RAPGEF4: variants seen among roughly 807,000 people sequenced by gnomAD.
RAPGEF4 encodes the protein RAP guanine-nucleotide-exchange factor (GEF) 4.
In RAPGEF4, 66 loss-of-function variants were observed where a neutral mutation model predicts 147.9. The ratio of observed to expected loss-of-function variants is 0.45; its 90% CI spans 0.37 to 0.55. The LOEUF is 0.55. RAPGEF4 is among the 20% of genes least tolerant of loss of function. The probability of loss-of-function intolerance (pLI) is 0.00; values close to 1 mark genes in which losing one functional copy is unlikely to be tolerated. For missense variants in RAPGEF4, 1,071 were observed against 1,257.3 expected, an observed-to-expected ratio of 0.85 and a Z score of 2.24; for synonymous variants, 419 against 442.7, an observed-to-expected ratio of 0.95 and a Z score of 0.67.
At chr2:172,803,275 A>G (rs1248691966) in intron 3 of RAPGEF4, among the ~76,000 whole-genome samples, 2 of 152,168 alleles carry the variant, frequency 1.3e-5, no homozygotes, top group Admixed American at 6.5e-5. Context: ...CTGGACATCC[A>G]TGCATTTCCA....
At chr2:172,737,958 G>A (rs1461087499) in intron 1 of RAPGEF4, among the ~76,000 whole-genome samples, 1 of 152,154 alleles carries the variant, frequency 6.6e-6, no homozygotes, top group Admixed American at 6.5e-5. Context: ...TTTGTTTTGT[G>A]GTATTAAAAG....
intron 1 of RAPGEF4, among the ~76,000 whole-genome samples, chr2:172,787,319 T>C (rs1443788281): frequency 2.0e-5 from 3 of 152,180 alleles, no homozygotes; most frequent in African/African-American, 7.2e-5. Flanking sequence ...ATTACCATTA[T>C]GATTTATATA....
intron 16 of RAPGEF4, among the ~76,000 whole-genome samples, chr2:172,997,393 C>T (rs1693472317): frequency 6.6e-6 from 1 of 152,186 alleles, no homozygotes; most frequent in African/African-American, 2.4e-5. Flanking sequence ...ACCACATCTG[C>T]AAAGACCCTA....
At chr2:172,981,990 A>G (rs896351158) in intron 10 of RAPGEF4, among the ~76,000 whole-genome samples, 48 of 152,168 alleles carry the variant, frequency 3.2e-4, no homozygotes, top group Non-Finnish European at 5.9e-5. Context: ...TTACACAAAT[A>G]AATATGTAGA....
At chr2:172,772,647 A>G (rs1205427841) in intron 1 of RAPGEF4, among the ~76,000 whole-genome samples, 1 of 152,176 alleles carries the variant, frequency 6.6e-6, no homozygotes, top group Non-Finnish European at 1.5e-5. Context: ...CCCAGCTAAA[A>G]CATTATTTTA....
intron 1 of RAPGEF4, among the ~76,000 whole-genome samples, chr2:172,743,941 T>C (rs184044534): frequency 3.6e-4 from 55 of 152,324 alleles, no homozygotes; most frequent in Admixed American, 3.5e-3. Context: ...GCCCTATTTC[T>C]CTAAAGCATT....
chr2:173,007,699 G>A (rs931264892), intron 17 of RAPGEF4, among the ~76,000 whole-genome samples: 12 of 152,138 alleles, frequency 7.9e-5, no homozygotes, highest in African/African-American at 2.9e-4. Context: ...TATATAAGTA[G>A]GGAAGCCAGG....
intron 4 of RAPGEF4, among the ~76,000 whole-genome samples, chr2:172,863,950 TA>T (rs1694328316): frequency 6.6e-6 from 1 of 152,200 alleles, no homozygotes; most frequent in African/African-American, 2.4e-5. Context: ...AAGCAATAAT[TA>T]AAGCATAATA....
chr2:172,833,205 G>GAAA (rs11432810), intron 4 of RAPGEF4, among the ~76,000 whole-genome samples: 1 of 131,136 alleles, frequency 7.6e-6, no homozygotes, highest in Admixed American at 8.0e-5. Flanking sequence ...CTCCGTCTCA[G>GAAA]AAAAAAAAAA....
intron 6 of RAPGEF4, among the ~76,000 whole-genome samples, chr2:172,926,711 AC>A (rs1264483732): frequency 1.3e-5 from 2 of 152,080 alleles, no homozygotes; most frequent in Non-Finnish European, 2.9e-5. Context: ...AGCTGGGACT[AC>A]AGGCGCGTGC....
At chr2:173,015,590 TG>T (rs1441419634) in intron 18 of RAPGEF4, among the ~76,000 whole-genome samples, 9 of 152,148 alleles carry the variant, frequency 5.9e-5, no homozygotes, top group African/African-American at 1.9e-4. Context: ...GGCGGTAGCT[TG>T]GGGTCATACA....
chr2:172,759,239 G>A (rs1052097930), intron 1 of RAPGEF4, among the ~76,000 whole-genome samples: 10 of 152,184 alleles, frequency 6.6e-5, no homozygotes, highest in African/African-American at 2.4e-4. Context: ...TCTTCAAATG[G>A]TATTGTGAAG....
intron 1 of RAPGEF4, among the ~76,000 whole-genome samples, chr2:172,789,309 T>A (rs1685564197): frequency 6.6e-6 from 1 of 152,214 alleles, no homozygotes; most frequent in Non-Finnish European, 1.5e-5. Flanking sequence ...CTCTCTTCAC[T>A]TTGCCGTATT....
chr2:172,768,614 C>T (rs1449603866), intron 1 of RAPGEF4, among the ~76,000 whole-genome samples: 1 of 152,094 alleles, frequency 6.6e-6, no homozygotes, highest in East Asian at 1.9e-4. Flanking sequence ...CCGGTGACAT[C>T]ATTAGCATAA....
intron 3 of RAPGEF4, among the ~76,000 whole-genome samples, chr2:172,807,283 G>C (rs1687597964): frequency 6.6e-6 from 1 of 152,258 alleles, no homozygotes; most frequent in African/African-American, 2.4e-5. Context: ...CCACTGAAAT[G>C]AGGCTGGCCT....
chr2:172,946,378 A>C (rs73030897), intron 6 of RAPGEF4, among the ~76,000 whole-genome samples: 1 of 152,222 alleles, frequency 6.6e-6, no homozygotes, highest in Non-Finnish European at 1.5e-5. Context: ...TAATGGAAAA[A>C]TAGGAAAAGG....
chr2:172,985,737 T>G (rs964861603), intron 12 of RAPGEF4, among the ~76,000 whole-genome samples: 4 of 152,190 alleles, frequency 2.6e-5, no homozygotes, highest in African/African-American at 4.8e-5. Flanking sequence ...TGAGTCTCAC[T>G]GGCTCCCTAC....
chr2:172,908,673 A>G (rs1439614020), intron 4 of RAPGEF4, among the ~76,000 whole-genome samples: 2 of 152,222 alleles, frequency 1.3e-5, no homozygotes, highest in Non-Finnish European at 2.9e-5. Context: ...AAATGAAACT[A>G]TTCTTGGAAC....
At chr2:172,846,552 A>G (rs760437011) in intron 4 of RAPGEF4, among the ~76,000 whole-genome samples, 19 of 152,150 alleles carry the variant, frequency 1.2e-4, no homozygotes, top group Non-Finnish European at 2.6e-4. Context: ...GACTTCTAAG[A>G]TCTTCCCTCT....
Sources: gnomAD v4.1 joint callset for allele counts (sites outside exome capture counted in the v4.1 genomes callset) on GRCh38, gnomAD v4.1.1 for gene constraint, MANE v1.5 for transcripts, NCBI Gene and HGNC (gene_info 2026-07-23, HGNC 2026-07-21) for gene names.